The following KIF5B variants were observed in gnomAD, a reference collection of about 807,000 sequenced individuals.
The protein encoded by KIF5B is kinesin family member 5B.
A neutral mutation model predicts 132.8 loss-of-function variants in KIF5B; 49 were observed. The observed-to-expected ratio is 0.37, with a 90% CI of 0.29 to 0.47. KIF5B has a LOEUF of 0.47. KIF5B is among the 20% of genes least tolerant of loss of function. The pLI is 1.00. For synonymous variants in KIF5B, 355 were observed against 369.4 expected (o/e 0.96, Z 0.45); for missense variants, 780 against 1,144.0 (o/e 0.68, Z 4.59).
At chr10:32,028,276 A>T (rs1841358153) in intron 15 of KIF5B, 152 bp downstream of exon 15, 3 of 579,064 alleles carry the variant, frequency 5.2e-6, no homozygotes, top group Non-Finnish European at 5.8e-6. Context: ...CTCTCTCCTG[A>T]TCTATTTAAA....
chr10:32,014,571 T>C (rs557593364), intron 25 of KIF5B, among the ~76,000 whole-genome samples: 2 of 144,404 alleles, frequency 1.4e-5, no homozygotes, highest in East Asian at 2.1e-4. Context: ...GAGAGAGAGA[T>C]AGTATATTGT....
chr10:32,050,937 T>C (rs1384937065), intron 1 of KIF5B, among the ~76,000 whole-genome samples: 1 of 152,202 alleles, frequency 6.6e-6, no homozygotes, highest in Non-Finnish European at 1.5e-5. Flanking sequence ...GTTTTTTCTA[T>C]GCAAAAAGAA....
At chr10:32,039,506 A>C (rs2132606720) in intron 3 of KIF5B, 75 bp from the exon 4 acceptor site, 1 of 720,890 alleles carries the variant, frequency 1.4e-6, no homozygotes, top group South Asian at 1.7e-5. Context: ...TTCAATCTAC[A>C]ACTTATAGTC....
chr10:32,019,847 C>G lies in KIF5B; in HGVS notation c.2306+11G>C. 6.5e-7 allele frequency: 1 copy of G among 1,544,028 alleles called. No homozygotes were observed. The highest frequency in any genetic ancestry group is 8.9e-7 in the Non-Finnish European group (1 of 1,127,046). On this transcript the variant is annotated intron_variant, in intron 20 of 25. Coordinates refer to ENST00000302418, the MANE Select transcript of KIF5B (RefSeq NM_004521.3). ...TTTATTTTTAAACTTTAATTAAAAA[C>G]AATTACTCACGTAAGTTCATGTAGT...
At chr10:32,035,726 TAA>T in intron 9 of KIF5B, 59 bp from the exon 10 acceptor site, 1 of 1,502,158 alleles carries the variant, frequency 6.7e-7, no homozygotes, top group Non-Finnish European at 9.0e-7. Context: ...TATTATAAAA[TAA>T]ACTCCCAAAA....
rs1051584751 is a variant in KIF5B at position 32,056,032 on chromosome 10, G to A, written c.-59C>T. On this transcript the variant is annotated 5_prime_UTR_variant, in exon 1 of 26. Transcript: ENST00000302418. ...ACTCCCCGCCGCTCAGTCTTGCAGG[G>A]AACGCGCCGGACCTGAGGGCTTGTG... 6 of 1,590,244 alleles carry A rather than the reference G, an allele frequency of 3.8e-6. No individual in the cohort carries two copies. In the African/African-American group the frequency reaches 5.4e-5, roughly 14 times the overall value.
At chr10:32,013,058 C>T (rs1476662422) in intron 25 of KIF5B, among the ~76,000 whole-genome samples, 14 of 152,014 alleles carry the variant, frequency 9.2e-5, no homozygotes, top group African/African-American at 2.7e-4. Context: ...TGTGCCACCA[C>T]GCCCTGCTGA....
chr10:32,037,581 A>G lies in KIF5B; in HGVS notation c.525T>C (p.Ser175=). 1 of 1,613,022 alleles carries G rather than the reference A, an allele frequency of 6.2e-7. No individual in the cohort carries two copies. The highest frequency in any genetic ancestry group is 8.5e-7 in the Non-Finnish European group (1 of 1,178,982). ...VKGCTERFVC[S]PDEVMDTIDE... is the part of the protein sequence containing the mutation. ...CTATGGTATCCATAACTTCATCTGGACTACATACAAAACGCTCTGTGCACC... is the reference window on the plus strand; with the variant it reads ...CTATGGTATCCATAACTTCATCTGGGCTACATACAAAACGCTCTGTGCACC... Residue 175 remains serine (S), a synonymous_variant, in exon 7 of 26, where the codon AGT becomes AGC. Coordinates refer to ENST00000302418, the MANE Select transcript of KIF5B (RefSeq NM_004521.3).
chr10:32,038,889 G>C, intron 4 of KIF5B, 63 bp from the exon 5 acceptor site: 1 of 979,844 alleles, frequency 1.0e-6, no homozygotes, highest in Non-Finnish European at 1.6e-6. Context: ...CGCATATTGA[G>C]GTCTGAGTGC....
chr10:32,043,671 C>T (rs1841572517), intron 2 of KIF5B, among the ~76,000 whole-genome samples: 1 of 152,148 alleles, frequency 6.6e-6, no homozygotes, highest in Non-Finnish European at 1.5e-5. Context: ...ATTCAGAATT[C>T]AAGAGAATAC....
chr10:32,019,549 AAT>A (rs1350354444), intron 20 of KIF5B, among the ~76,000 whole-genome samples: 1 of 152,206 alleles, frequency 6.6e-6, no homozygotes, highest in Non-Finnish European at 1.5e-5. Flanking sequence ...GAAGTTACTT[AAT>A]ATATTGTTTT....
At chr10:32,035,429 A>C in intron 10 of KIF5B, 93 bp downstream of exon 10, 2 of 1,041,934 alleles carry the variant, frequency 1.9e-6, no homozygotes, top group Non-Finnish European at 2.8e-6. Flanking sequence ...ACAAAACAGT[A>C]TGTACAGGTT....
intron 15 of KIF5B, among the ~76,000 whole-genome samples, chr10:32,024,379 C>A (rs1841307835): frequency 6.8e-6 from 1 of 147,362 alleles, no homozygotes; most frequent in African/African-American, 2.5e-5. Flanking sequence ...TGGTCTTGAT[C>A]TCCTGACCTC....
chr10:32,012,128 T>A (rs541137640), intron 25 of KIF5B, among the ~76,000 whole-genome samples: 1 of 152,318 alleles, frequency 6.6e-6, no homozygotes, highest in Admixed American at 6.5e-5. Context: ...ATTATAAATG[T>A]CATCCTTTCC....
intron 25 of KIF5B, among the ~76,000 whole-genome samples, chr10:32,014,945 A>G (rs1025492765): frequency 6.6e-6 from 1 of 152,112 alleles, no homozygotes; most frequent in African/African-American, 2.4e-5. Context: ...CAACATGGTG[A>G]AACCCCTCGT....
rs1554800857 is a variant in KIF5B at position 32,024,146 on chromosome 10, C to CCTTTTT, written c.1726-1111_1726-1110insAAAAAG. On this transcript the variant is annotated intron_variant, in intron 15 of 25. Transcript: ENST00000302418. Reference sequence around the variant, plus strand: ...TTATATCCAAAACATATGAAGAACTCTTTTTTTTTTTTTTTTTTTTTTTTT... The same window carrying CCTTTTT: ...TTATATCCAAAACATATGAAGAACTCCTTTTTTTTTTTTTTTTTTTTTTTTTTTTTT... Among the ~76,000 whole-genome samples, 11 of 69,744 alleles carry CCTTTTT rather than the reference C, an allele frequency of 1.6e-4. 1 individual carries two copies. Among genetic ancestry groups the CCTTTTT allele is most frequent in the Non-Finnish European group, 2.2e-4 (9 of 40,710 alleles). The allele number at this position is 69,744 out of a possible 152,430, so 45.8% of individuals were successfully genotyped here.
At chr10:32,019,248 G>GC (rs1841224563) in intron 20 of KIF5B, among the ~76,000 whole-genome samples, 1 of 152,180 alleles carries the variant, frequency 6.6e-6, no homozygotes, top group Non-Finnish European at 1.5e-5. Context: ...AATTACAGCT[G>GC]CAAGTTAGCA....
chr10:32,012,411 G>A (rs1841096510), intron 25 of KIF5B, among the ~76,000 whole-genome samples: 1 of 152,072 alleles, frequency 6.6e-6, no homozygotes, highest in African/African-American at 2.4e-5. Flanking sequence ...GGGAAGCAGA[G>A]GTTGCAGTGA....
At chr10:32,020,422 A>G (rs1006871613) in intron 19 of KIF5B, among the ~76,000 whole-genome samples, 4 of 152,054 alleles carry the variant, frequency 2.6e-5, no homozygotes, top group Admixed American at 6.6e-5. Context: ...AATTTCCAGA[A>G]AAGTTTTTCC....
Sources: gnomAD v4.1 joint callset for allele counts (sites outside exome capture counted in the v4.1 genomes callset) on GRCh38, gnomAD v4.1.1 for gene constraint, MANE v1.5 for transcripts, NCBI Gene and HGNC (gene_info 2026-07-23, HGNC 2026-07-21) for gene names.